The following BFSP2 variants were observed in gnomAD, a reference collection of about 807,000 sequenced individuals.
The protein encoded by BFSP2 is beaded filament structural protein 2.
A neutral mutation model predicts 44.9 loss-of-function variants in BFSP2; 38 were observed. That is an observed-to-expected ratio of 0.85 (90% CI 0.65 to 1.11). The LOEUF is 1.11. BFSP2 is among the 50% of genes least tolerant of loss of function. The pLI is 0.00. For synonymous variants in BFSP2, 197 were observed against 209.9 expected (o/e 0.94, Z 0.53); for missense variants, 525 against 533.0 (o/e 0.99, Z 0.15).
chr3:133,402,332 T>C (rs1176155923), intron 1 of BFSP2, among the ~76,000 whole-genome samples: 2 of 152,230 alleles, frequency 1.3e-5, no homozygotes, highest in Admixed American at 6.5e-5. Flanking sequence ...GGCCTCAGTT[T>C]CATTATCTAC....
At chr3:133,440,029 A>G (rs1477959990) in intron 1 of BFSP2, among the ~76,000 whole-genome samples, 1 of 152,186 alleles carries the variant, frequency 6.6e-6, no homozygotes. Context: ...TAAAGAAAAA[A>G]GGTTTAATGA....
intron 1 of BFSP2, among the ~76,000 whole-genome samples, chr3:133,405,142 TCAAAA>T (rs1454439847): frequency 1.3e-5 from 2 of 151,866 alleles, no homozygotes; most frequent in Admixed American, 6.6e-5. Context: ...AGACCAGGTG[TCAAAA>T]CAAAAGGAAC....
intron 1 of BFSP2, among the ~76,000 whole-genome samples, chr3:133,432,025 T>A (rs2073726863): frequency 6.6e-6 from 1 of 151,926 alleles, no homozygotes; most frequent in Non-Finnish European, 1.5e-5. Context: ...ATGGAACATC[T>A]CTACTCCTTC....
At chr3:133,405,689 A>G (rs1409090752) in intron 1 of BFSP2, among the ~76,000 whole-genome samples, 1 of 152,240 alleles carries the variant, frequency 6.6e-6, no homozygotes, top group East Asian at 1.9e-4. Context: ...AAAGTCACTC[A>G]GCCTGTTTCT....
chr3:133,440,417 G>T (rs868684109), intron 1 of BFSP2, among the ~76,000 whole-genome samples: 1 of 152,164 alleles, frequency 6.6e-6, no homozygotes, highest in Non-Finnish European at 1.5e-5. Flanking sequence ...ATTTGATTTT[G>T]TTGGGGCATC....
intron 1 of BFSP2, among the ~76,000 whole-genome samples, chr3:133,413,369 G>A (rs933104996): frequency 2.0e-5 from 3 of 152,000 alleles, no homozygotes; most frequent in Admixed American, 1.3e-4. Context: ...AATTAAACAA[G>A]CGTACAGAAG....
chr3:133,424,617 TTTTG>T (rs1283708384), intron 1 of BFSP2, among the ~76,000 whole-genome samples: 3 of 152,136 alleles, frequency 2.0e-5, no homozygotes, highest in Admixed American at 6.5e-5. Context: ...TTTGTTTGTT[TTTTG>T]TTTTTGTTTT....
At chr3:133,472,013 C>T (rs1172460587) in intron 5 of BFSP2, among the ~76,000 whole-genome samples, 1 of 152,120 alleles carries the variant, frequency 6.6e-6, no homozygotes, top group Non-Finnish European at 1.5e-5. Flanking sequence ...ATTTGTCTCT[C>T]TCAATCCCTA....
chr3:133,470,564 T>C (rs954117327), intron 5 of BFSP2, among the ~76,000 whole-genome samples: 3 of 152,246 alleles, frequency 2.0e-5, no homozygotes, highest in African/African-American at 7.2e-5. Context: ...ATTAGCTCTG[T>C]AGTTTTCAGG....
chr3:133,407,597 T>C (rs2073414947), intron 1 of BFSP2, among the ~76,000 whole-genome samples: 1 of 152,034 alleles, frequency 6.6e-6, no homozygotes, highest in Non-Finnish European at 1.5e-5. Context: ...GGGAGGAGGC[T>C]GGGGAGGGGA....
chr3:133,442,045 A>G (rs2073850205), intron 1 of BFSP2, among the ~76,000 whole-genome samples: 1 of 152,212 alleles, frequency 6.6e-6, no homozygotes, highest in Non-Finnish European at 1.5e-5. Flanking sequence ...TGGAAGAGTA[A>G]CAAGCATGCA....
chr3:133,425,802 A>AAT (rs1559964177), intron 1 of BFSP2, among the ~76,000 whole-genome samples: 19 of 118,284 alleles, frequency 1.6e-4, no homozygotes, highest in African/African-American at 3.4e-4. Flanking sequence ...AGGGAAGGGA[A>AAT]GAAGGGAAGG....
chr3:133,454,998 C>T (rs2074000745), intron 4 of BFSP2, among the ~76,000 whole-genome samples: 1 of 152,230 alleles, frequency 6.6e-6, no homozygotes, highest in Admixed American at 6.5e-5. Flanking sequence ...ACCTCCACAT[C>T]TTGTCCCACT....
At chr3:133,420,764 T>C (rs2073585778) in intron 1 of BFSP2, among the ~76,000 whole-genome samples, 1 of 152,194 alleles carries the variant, frequency 6.6e-6, no homozygotes, top group South Asian at 2.1e-4. Flanking sequence ...GGTAATTGTT[T>C]GGGCTGTGCT....
intron 6 of BFSP2, among the ~76,000 whole-genome samples, chr3:133,472,951 C>CT (rs745554127): frequency 0.032 from 4,564 of 142,030 alleles, 170 homozygotes; most frequent in African/African-American, 0.093. Flanking sequence ...CCCTGCGCAT[C>CT]TTTTTTTTTT....
At chr3:133,438,682 A>C (rs1466898881) in intron 1 of BFSP2, among the ~76,000 whole-genome samples, 1 of 152,242 alleles carries the variant, frequency 6.6e-6, no homozygotes, top group African/African-American at 2.4e-5. Flanking sequence ...TTAAATTATC[A>C]CTTGAATAAT....
chr3:133,474,523 G>A (rs1016804398), intron 6 of BFSP2, among the ~76,000 whole-genome samples: 5 of 152,112 alleles, frequency 3.3e-5, no homozygotes, highest in African/African-American at 9.7e-5. Context: ...ATTGATTTTT[G>A]TTGATTATAA....
At chr3:133,424,467 G>C (rs921353676) in intron 1 of BFSP2, among the ~76,000 whole-genome samples, 25 of 150,336 alleles carry the variant, frequency 1.7e-4, no homozygotes, top group African/African-American at 6.2e-4. Context: ...CTTGAGTTTA[G>C]AGTCAAAGGT....
chr3:133,431,949 C>T (rs1193735604), intron 1 of BFSP2, among the ~76,000 whole-genome samples: 1 of 152,074 alleles, frequency 6.6e-6, no homozygotes, highest in African/African-American at 2.4e-5. Flanking sequence ...TCATTGCCGC[C>T]CTTCTCCCCA....
Sources: allele counts gnomAD v4.1 joint callset (sites outside exome capture counted in the v4.1 genomes callset), GRCh38; gene constraint gnomAD v4.1.1; transcripts MANE v1.5; gene names NCBI Gene and HGNC (gene_info 2026-07-23, HGNC 2026-07-21).